PDE4B: variants seen among roughly 807,000 people sequenced by gnomAD.
The protein encoded by PDE4B is 3',5'-cyclic-AMP phosphodiesterase 4B.
A neutral mutation model predicts 82.2 loss-of-function variants in PDE4B; 20 were observed. The observed-to-expected ratio is 0.24, with a 90% CI of 0.17 to 0.35. The LOEUF is 0.35. Among genes scored for constraint, PDE4B ranks in the 10% least tolerant of loss-of-function variants. The pLI is 1.00. For missense variants in PDE4B, 655 were observed against 907.2 expected, an observed-to-expected ratio of 0.72 and a Z score of 3.57; for synonymous variants, 320 against 318.9, an observed-to-expected ratio of 1.00 and a Z score of -0.04.
rs371438926 is a variant in PDE4B, at chr1:66,163,304, C to T, written c.282-84156C>T. ...TGATGTTTGTTGAAATTAAATCTGA[C>T]GTCTGTATATTTAGTCTCTTATCTA... On this transcript the variant is annotated intron_variant, in intron 3 of 16. Transcript: ENST00000341517. Among the ~76,000 whole-genome samples, 8 of 152,140 alleles carry T rather than the reference C, an allele frequency of 5.3e-5. No homozygotes were observed. In the South Asian group the frequency reaches 6.2e-4, roughly 12 times the overall value.
chr1:66,187,620 T>A (rs1392305274), intron 3 of PDE4B, among the ~76,000 whole-genome samples: 1 of 152,252 alleles, frequency 6.6e-6, no homozygotes, highest in Non-Finnish European at 1.5e-5. Context: ...TTTATTTGCG[T>A]AGAGGTGTTT....
intron 1 of PDE4B, among the ~76,000 whole-genome samples, chr1:65,884,703 A>T: frequency 6.6e-6 from 1 of 152,240 alleles, no homozygotes; most frequent in East Asian, 1.9e-4. Context: ...TTATACAAAA[A>T]TTAATTCAAG....
chr1:66,081,939 C>T (rs2100963268), intron 3 of PDE4B, among the ~76,000 whole-genome samples: 1 of 151,626 alleles, frequency 6.6e-6, no homozygotes, highest in Non-Finnish European at 1.5e-5. Context: ...TTTCACAAGT[C>T]ATCTAGTCTA....
chr1:65,832,726 G>A (rs1215608574), intron 1 of PDE4B, among the ~76,000 whole-genome samples: 1 of 152,214 alleles, frequency 6.6e-6, no homozygotes, highest in Admixed American at 6.5e-5. Flanking sequence ...GGAAATGGTG[G>A]AAAGGTATGT....
chr1:66,305,878 C>T (rs1224939093), intron 7 of PDE4B, among the ~76,000 whole-genome samples: 1 of 151,986 alleles, frequency 6.6e-6, no homozygotes, highest in Non-Finnish European at 1.5e-5. Flanking sequence ...GGTGACAGGC[C>T]TCCATTCTCA....
chr1:66,208,724 G>C (rs1364140216), intron 3 of PDE4B, among the ~76,000 whole-genome samples: 1 of 152,036 alleles, frequency 6.6e-6, no homozygotes, highest in Admixed American at 6.6e-5. Context: ...TAGTGGAAAG[G>C]TATCACAAAT....
intron 3 of PDE4B, among the ~76,000 whole-genome samples, chr1:66,238,446 A>G (rs1252346172): frequency 1.3e-5 from 2 of 152,178 alleles, no homozygotes; most frequent in Non-Finnish European, 2.9e-5. Context: ...TTATTGTGTT[A>G]AAAGATTGCT....
At chr1:66,174,965 G>A (rs532605835) in intron 3 of PDE4B, among the ~76,000 whole-genome samples, 2 of 152,098 alleles carry the variant, frequency 1.3e-5, no homozygotes, top group South Asian at 2.1e-4. Context: ...GAGGGAGGAG[G>A]TGTCACGCTT....
In PDE4B at chr1:66,289,721, TA is replaced by T. The variant is rs1252275117; in HGVS notation, c.634+23635del. On this transcript the variant is annotated intron_variant, in intron 7 of 16. Coordinates refer to ENST00000341517, the MANE Select transcript of PDE4B (RefSeq NM_002600.4). ...AGAAAATGTTATATATATATATATA[TA>T]TTTTTAAAAATGTAACTCAGATTTC... 1.0e-3 allele frequency among the ~76,000 whole-genome samples: 158 copies of T among 151,804 alleles called. 1 individual carries two copies. Among genetic ancestry groups the T allele is most frequent in the East Asian group, 3.3e-3 (17 of 5,174 alleles).
intron 3 of PDE4B, among the ~76,000 whole-genome samples, chr1:66,047,623 T>G (rs1654788296): frequency 6.6e-6 from 1 of 151,896 alleles, no homozygotes; most frequent in Non-Finnish European, 1.5e-5. Flanking sequence ...TGGCAGAAAG[T>G]TCCATATAGT....
At chr1:66,360,467 T>C (rs1270235294) in intron 9 of PDE4B, 2 of 152,224 alleles carry the variant, frequency 1.3e-5, no homozygotes, top group African/African-American at 4.8e-5. Context: ...GATCCCAGAA[T>C]GCCATCTGGG....
chr1:66,369,984 C>T (rs1229845855), intron 16 of PDE4B, among the ~76,000 whole-genome samples: 1 of 151,586 alleles, frequency 6.6e-6, no homozygotes, highest in Non-Finnish European at 1.5e-5. Context: ...CCTGTCTCTA[C>T]CAAAAACACA....
At position 66,372,430 on chromosome 1, in the gene PDE4B, A is replaced by G. The variant is rs1447659226; in HGVS notation, c.1963A>G (p.Met655Val). The G allele has an allele frequency of 1.9e-6, 3 of 1,614,110 alleles. No homozygotes were observed. Among genetic ancestry groups the G allele is most frequent in the Non-Finnish European group, 1.7e-6 (2 of 1,179,934 alleles). The change falls in exon 17 of 17, where the codon ATG becomes GTG. Residue 655 changes from methionine to valine, a missense_variant. Physicochemically the swap from Met to Val is conservative, Grantham distance 21. This residue lies in a region of PDE4B where 119 missense variants were observed against 115.2 expected (regional missense o/e 1.03). Coordinates refer to ENST00000341517, the MANE Select transcript of PDE4B (RefSeq NM_002600.4). The stretch of plus-strand genomic sequence containing the variant: ...AGATAACAGGAACTGGTATCAGAGC[A>G]TGATACCTCAAAGTCCCTCACCACC... The part of the protein sequence containing the change: ...LEDNRNWYQS[M>V]IPQSPSPPLD...
intron 2 of PDE4B, among the ~76,000 whole-genome samples, chr1:65,915,371 G>T (rs570057594): frequency 1.6e-4 from 24 of 152,244 alleles, no homozygotes; most frequent in African/African-American, 4.6e-4. Flanking sequence ...ACTGTCATTT[G>T]CTGCTTTCCA....
chr1:66,008,296 A>G (rs1354895532), intron 3 of PDE4B, among the ~76,000 whole-genome samples: 2 of 152,154 alleles, frequency 1.3e-5, no homozygotes, highest in Admixed American at 6.5e-5. Context: ...CAGGCATGTC[A>G]TTGTATTTGC....
intron 3 of PDE4B, among the ~76,000 whole-genome samples, chr1:66,137,073 A>T (rs1646073803): frequency 6.6e-6 from 1 of 152,174 alleles, no homozygotes; most frequent in South Asian, 2.1e-4. Context: ...AAGAGGAGAA[A>T]TATTAGATAT....
intron 3 of PDE4B, among the ~76,000 whole-genome samples, chr1:66,148,483 A>G (rs1646319606): frequency 6.6e-6 from 1 of 152,114 alleles, no homozygotes; most frequent in South Asian, 2.1e-4. Flanking sequence ...TTTTTTAAAC[A>G]TCTTTATTGA....
intron 3 of PDE4B, among the ~76,000 whole-genome samples, chr1:66,015,505 C>A (rs1392816): frequency 1.3e-5 from 2 of 151,808 alleles, no homozygotes; most frequent in East Asian, 3.9e-4. Flanking sequence ...AGGGAAACTT[C>A]GTTGCAGAGG....
chr1:66,007,246 A>G (rs1339833179), intron 3 of PDE4B, among the ~76,000 whole-genome samples: 2 of 152,186 alleles, frequency 1.3e-5, no homozygotes, highest in Non-Finnish European at 2.9e-5. Flanking sequence ...GGCATTCAAG[A>G]CTAGCCTGAC....
Sources: gnomAD v4.1 joint callset for allele counts (sites outside exome capture counted in the v4.1 genomes callset) on GRCh38, gnomAD v4.1.1 for gene constraint, gnomAD v4.1.1 regional missense constraint, MANE v1.5 for transcripts, NCBI Gene and HGNC (gene_info 2026-07-23, HGNC 2026-07-21) for gene names.